CEACAM7: variants seen among roughly 807,000 people sequenced by gnomAD.
CEACAM7 encodes the protein CEA cell adhesion molecule 7.
CEACAM7 carries 24 observed loss-of-function variants against 25.7 expected under a neutral mutation model. The observed-to-expected ratio is 0.93, with a 90% CI of 0.68 to 1.31. CEACAM7 has a LOEUF of 1.31. Among genes scored for constraint, CEACAM7 ranks in the 40% most tolerant of loss-of-function variants. The pLI is 0.00. For synonymous variants in CEACAM7, 144 were observed against 129.4 expected (o/e 1.11, Z -0.77); for missense variants, 324 against 330.1 (o/e 0.98, Z 0.14).
chr19:41,686,329 TG>T (rs2072224938), intron 2 of CEACAM7, among the ~76,000 whole-genome samples: 2 of 152,138 alleles, frequency 1.3e-5, no homozygotes, highest in African/African-American at 4.8e-5. Flanking sequence ...GATGAGGCCC[TG>T]GGGGTGACCA....
In CEACAM7 at chr19:41,683,984, T is replaced by G; in HGVS notation, c.507A>C (p.Gln169His). Reference protein sequence around the residue: ...ENKDIVVLTCQPETQNTTYLW... With the variant: ...ENKDIVVLTCHPETQNTTYLW... ...GGTAGGTTGTGTTCTGAGTCTCAGG[T>G]TGACAGGTTAAAACCACAATATCTT... is the stretch of plus-strand genomic sequence containing the variant. The change falls in exon 3 of 5, where the codon CAA becomes CAC. Residue 169 changes from glutamine (Q) to histidine (H), a missense_variant. By Grantham distance (24) the Gln-to-His change is conservative. Transcript: ENST00000401731. 1 of 1,614,132 alleles carries G rather than the reference T, an allele frequency of 6.2e-7. No homozygotes were observed.
intron 3 of CEACAM7, among the ~76,000 whole-genome samples, chr19:41,682,841 G>A (rs1254410492): frequency 9.2e-5 from 14 of 152,234 alleles, no homozygotes; most frequent in African/African-American, 3.4e-4. Context: ...ATGACCGAGA[G>A]AACCCTTAAG....
chr19:41,687,100 A>C lies in CEACAM7; in HGVS notation c.186T>G (p.Leu62=). The change falls in exon 2 of 5, where the codon CTT becomes CTG. Residue 62 remains leucine, a synonymous_variant. Coordinates refer to ENST00000401731, the MANE Select transcript of CEACAM7 (RefSeq NM_001291485.2). ...CCCCTTTGTACCAGTTGTAGCCATA[A>C]AGATTCTGGGACTCATTATGGACTA... ...LLVVHNESQN[L]YGYNWYKGER... is the part of the protein sequence containing the mutation. 1 of 1,614,142 alleles carries C rather than the reference A, an allele frequency of 6.2e-7. No homozygotes were observed. Among genetic ancestry groups the C allele is most frequent in the Non-Finnish European group, 8.5e-7 (1 of 1,180,012 alleles).
chr19:41,679,907 T>C (rs2072156327), intron 3 of CEACAM7, among the ~76,000 whole-genome samples: 2 of 148,882 alleles, frequency 1.3e-5, no homozygotes, highest in South Asian at 4.3e-4. Flanking sequence ...GTTCAAATGA[T>C]TCTCCTGCCT....
chr19:41,676,128 T>C (rs2072111501), intron 4 of CEACAM7, among the ~76,000 whole-genome samples: 1 of 152,220 alleles, frequency 6.6e-6, no homozygotes, highest in South Asian at 2.1e-4. Flanking sequence ...GTCCTGCTTA[T>C]CAGAGCAGGG....
intron 4 of CEACAM7, among the ~76,000 whole-genome samples, chr19:41,676,774 G>C (rs1445928855): frequency 3.3e-5 from 5 of 152,156 alleles, no homozygotes; most frequent in Non-Finnish European, 7.4e-5. Context: ...AGGTTACCTT[G>C]TTTTTAGATA....
chr19:41,687,665 AACTGGATTGC>A (rs1430690664), intron 1 of CEACAM7, among the ~76,000 whole-genome samples: 1 of 152,168 alleles, frequency 6.6e-6, no homozygotes, highest in Non-Finnish European at 1.5e-5. Context: ...GACTTGTGTG[AACTGGATTGC>A]ACCCCAGTGC....
chr19:41,673,977 A>G lies in CEACAM7; in HGVS notation c.*799T>C, dbSNP rs1298861634. The G allele has an allele frequency of 6.6e-6, 1 of 152,260 alleles. No individual in the cohort carries two copies. Among genetic ancestry groups the G allele is most frequent in the African/African-American group, 2.4e-5 (1 of 41,462 alleles). The allele number at this position is 152,260 out of a possible 1,614,324, so 9.4% of individuals were successfully genotyped here. A position where few individuals can be genotyped will look rare whatever the true frequency, so the allele number is the denominator to read the frequency against. Reference sequence around the variant, plus strand: ...CATGAACCAAACCAAATAAAAGAGAATAGATTAAAGAATGAGCCACATGAG... The same window carrying G: ...CATGAACCAAACCAAATAAAAGAGAGTAGATTAAAGAATGAGCCACATGAG... On this transcript the variant is annotated 3_prime_UTR_variant, in exon 5 of 5. Coordinates refer to ENST00000401731, the MANE Select transcript of CEACAM7 (RefSeq NM_001291485.2).
At chr19:41,679,868 C>G (rs7248956) in intron 3 of CEACAM7, among the ~76,000 whole-genome samples, 26,923 of 136,946 alleles carry the variant, frequency 0.2, 3,149 homozygotes, top group Middle Eastern at 0.26. Context: ...GTAGCATGAT[C>G]TCGGCTCACT....
At position 41,686,890 on chromosome 19, in the gene CEACAM7, A is replaced by G. The variant is rs138024912; in HGVS notation, c.396T>C (p.Asn132=). 2.6e-6 allele frequency: 4 copies of G among 1,532,934 alleles called. No individual in the cohort carries two copies. The highest frequency in any genetic ancestry group is 2.8e-5 in the African/African-American group (2 of 72,188). 95.0% of individuals were successfully genotyped at this position (1,532,934 alleles called of 1,614,324 possible). The change falls in exon 2 of 5, where the codon AAT becomes AAC. Residue 132 remains asparagine, a synonymous_variant. Transcript: ENST00000401731. Reference sequence around the variant, plus strand: ...CGTAGAATTGTCTGGTTACTTCTTCATTCACAAGATTTTCTTTTATAACGT... The same window carrying G: ...CGTAGAATTGTCTGGTTACTTCTTCGTTCACAAGATTTTCTTTTATAACGT... The part of the protein sequence containing the change: ...TLHVIKENLV[N]EEVTRQFYVF...
In CEACAM7 at chr19:41,688,144, G is replaced by T. The variant is rs880000903; in HGVS notation, c.22C>A (p.Pro8Thr). The change falls in exon 1 of 5, where the codon CCA (proline) becomes ACA (threonine). Residue 8 changes from proline to threonine, a missense_variant. Transcript: ENST00000401731. ...TGCCAGGGAATGCACACTCTGTATG[G>T]ACAGGCTGAAGGGGACCCCATGGTC... MGSPSAC[P>T]YRVCIPWQGL... is the part of the protein sequence containing the mutation. The T allele has an allele frequency of 2.5e-6, 4 of 1,611,852 alleles. No homozygotes were observed. The highest frequency in any genetic ancestry group is 4.5e-5 in the East Asian group (2 of 44,654).
At chr19:41,684,145 C>T in intron 2 of CEACAM7, 82 bp from the exon 3 acceptor site, 2 of 1,474,984 alleles carry the variant, frequency 1.4e-6, no homozygotes, top group Non-Finnish European at 1.9e-6. Flanking sequence ...GAGTTGGCAT[C>T]TCCCACCTCT....
intron 4 of CEACAM7, among the ~76,000 whole-genome samples, chr19:41,676,764 A>G (rs996222849): frequency 6.6e-5 from 10 of 152,294 alleles, no homozygotes; most frequent in Admixed American, 5.2e-4. Flanking sequence ...TGGTGGAGGA[A>G]GGTTACCTTG....
At chr19:41,682,198 C>G (rs182002446) in intron 3 of CEACAM7, among the ~76,000 whole-genome samples, 1 of 152,136 alleles carries the variant, frequency 6.6e-6, no homozygotes, top group Non-Finnish European at 1.5e-5. Flanking sequence ...CTCAACCTCT[C>G]GAAGTGCTGG....
intron 3 of CEACAM7, among the ~76,000 whole-genome samples, chr19:41,683,557 A>G (rs900982011): frequency 6.6e-6 from 1 of 152,158 alleles, no homozygotes; most frequent in African/African-American, 2.4e-5. Context: ...TTCTCCCATC[A>G]CAGGCTGTGG....
At chr19:41,679,968 ATTTTTTTTTT>A (rs35163344) in intron 3 of CEACAM7, among the ~76,000 whole-genome samples, 2 of 68,900 alleles carry the variant, frequency 2.9e-5, no homozygotes, top group African/African-American at 1.2e-4. Flanking sequence ...CACCTGGCTA[ATTTTTTTTTT>A]TTTTTTTTTT....
At chr19:41,675,212 ATAAC>A (rs1555810020) in intron 4 of CEACAM7, among the ~76,000 whole-genome samples, 1 of 152,250 alleles carries the variant, frequency 6.6e-6, no homozygotes, top group African/African-American at 2.4e-5. Flanking sequence ...ACTTATGCAA[ATAAC>A]TATTTTCATA....
chr19:41,686,938 A>G lies in CEACAM7; in HGVS notation c.348T>C (p.Asn116=). Residue 116 remains asparagine (N), a synonymous_variant, in exon 2 of 5, where the codon AAT becomes AAC. Transcript: ENST00000401731. ...CGTGTAGGGTATAGATTCCTGCGTC[A>G]TTGTGGGTGACGTTCTGGATCAGCA... is the stretch of plus-strand genomic sequence containing the variant. ...GTLLIQNVTH[N]DAGIYTLHVI... 1 of 1,601,848 alleles carries G rather than the reference A, an allele frequency of 6.2e-7. No homozygotes were observed. The highest frequency in any genetic ancestry group is 8.5e-7 in the Non-Finnish European group (1 of 1,175,062).
chr19:41,678,256 A>G (rs1044962768), intron 3 of CEACAM7, among the ~76,000 whole-genome samples: 1 of 151,886 alleles, frequency 6.6e-6, no homozygotes, highest in Non-Finnish European at 1.5e-5. Flanking sequence ...TCCCTCTCCC[A>G]TATTAATCAG....
Sources: gnomAD v4.1 joint callset for allele counts (sites outside exome capture counted in the v4.1 genomes callset) on GRCh38, gnomAD v4.1.1 for gene constraint, MANE v1.5 for transcripts, NCBI Gene and HGNC (gene_info 2026-07-23, HGNC 2026-07-21) for gene names.